KCNB2: variants seen among roughly 807,000 people sequenced by gnomAD.
The protein encoded by KCNB2 is potassium voltage-gated channel subfamily B member 2, also known as delayed rectifier potassium channel protein.
Under a neutral mutation model 61.5 loss-of-function variants are expected in KCNB2, and 15 were observed. The ratio of observed to expected loss-of-function variants is 0.24; its 90% CI spans 0.16 to 0.38. The LOEUF is 0.38. Ranked by LOEUF, KCNB2 falls within the 10% of genes least tolerant of loss-of-function variation. The pLI is 1.00. For synonymous variants in KCNB2, 457 were observed against 446.0 expected, an observed-to-expected ratio of 1.02 and a Z score of -0.31; for missense variants, 828 against 1,125.2, an observed-to-expected ratio of 0.74 and a Z score of 3.78.
chr8:72,572,946 G>T (rs78923837), intron 2 of KCNB2, among the ~76,000 whole-genome samples: 3 of 152,116 alleles, frequency 2.0e-5, no homozygotes, highest in African/African-American at 7.2e-5. Context: ...GCACCTGAAG[G>T]GCCAGGAGAC....
At chr8:72,637,600 C>T (rs886482118) in intron 2 of KCNB2, among the ~76,000 whole-genome samples, 4 of 152,078 alleles carry the variant, frequency 2.6e-5, no homozygotes, top group African/African-American at 7.2e-5. Context: ...TACGCCCCAC[C>T]GTCACTGTTA....
chr8:72,633,553 T>A (rs145073432), intron 2 of KCNB2, among the ~76,000 whole-genome samples: 467 of 152,260 alleles, frequency 3.1e-3, no homozygotes, highest in African/African-American at 0.011. Flanking sequence ...GGGTTCTGTG[T>A]TCCTAACCTG....
intron 2 of KCNB2, among the ~76,000 whole-genome samples, chr8:72,744,943 G>A (rs1808032629): frequency 6.6e-6 from 1 of 152,190 alleles, no homozygotes; most frequent in Admixed American, 6.5e-5. Context: ...GATCCTGTGT[G>A]TCTTGTCCTC....
chr8:72,598,956 A>G (rs1807244493), intron 2 of KCNB2, among the ~76,000 whole-genome samples: 1 of 152,222 alleles, frequency 6.6e-6, no homozygotes, highest in African/African-American at 2.4e-5. Context: ...GAGGATACAA[A>G]CAAATGGAAG....
intron 2 of KCNB2, among the ~76,000 whole-genome samples, chr8:72,889,263 A>T (rs1194839840): frequency 6.6e-6 from 1 of 152,216 alleles, no homozygotes; most frequent in Non-Finnish European, 1.5e-5. Flanking sequence ...AGACATACTT[A>T]CTGAGGCTAA....
At chr8:72,714,118 T>C (rs987961134) in intron 2 of KCNB2, among the ~76,000 whole-genome samples, 2 of 152,014 alleles carry the variant, frequency 1.3e-5, no homozygotes, top group African/African-American at 4.8e-5. Context: ...GAAAAAAGAA[T>C]GAAAAGGAAC....
At chr8:72,869,956 G>A (rs1009969362) in intron 2 of KCNB2, among the ~76,000 whole-genome samples, 1 of 152,152 alleles carries the variant, frequency 6.6e-6, no homozygotes, top group African/African-American at 2.4e-5. Context: ...TCCAGCAGCA[G>A]ATGAATGTAT....
At chr8:72,692,604 C>T (rs1806956334) in intron 2 of KCNB2, among the ~76,000 whole-genome samples, 1 of 152,044 alleles carries the variant, frequency 6.6e-6, no homozygotes, top group African/African-American at 2.4e-5. Context: ...TAGGCTTGTA[C>T]CCACCAAACT....
At chr8:72,855,032 C>G (rs1585934167) in intron 2 of KCNB2, among the ~76,000 whole-genome samples, 1 of 152,184 alleles carries the variant, frequency 6.6e-6, no homozygotes, top group Non-Finnish European at 1.5e-5. Context: ...CCCACCAACA[C>G]CTTTCAGCAC....
chr8:72,555,643 A>AT (rs71267907), intron 1 of KCNB2, among the ~76,000 whole-genome samples: 40 of 149,418 alleles, frequency 2.7e-4, no homozygotes, highest in African/African-American at 7.4e-4. Flanking sequence ...TTAAAGAAGA[A>AT]TTTTTTTTTT....
At chr8:72,756,280 T>A (rs1177227522) in intron 2 of KCNB2, among the ~76,000 whole-genome samples, 1 of 152,178 alleles carries the variant, frequency 6.6e-6, no homozygotes, top group Non-Finnish European at 1.5e-5. Context: ...ATCCCTCCCT[T>A]CCTGTCTCCC....
chr8:72,827,139 T>C (rs1171564669), intron 2 of KCNB2, among the ~76,000 whole-genome samples: 1 of 152,130 alleles, frequency 6.6e-6, no homozygotes, highest in East Asian at 1.9e-4. Flanking sequence ...CAGGGAGAGA[T>C]TGACCTTCAT....
chr8:72,762,674 G>A (rs1368979337), intron 2 of KCNB2, among the ~76,000 whole-genome samples: 1 of 152,020 alleles, frequency 6.6e-6, no homozygotes, highest in Admixed American at 6.6e-5. Flanking sequence ...AGGATTCAAT[G>A]AAATAATAAT....
At chr8:72,849,480 A>G (rs1056116528) in intron 2 of KCNB2, among the ~76,000 whole-genome samples, 2 of 152,166 alleles carry the variant, frequency 1.3e-5, no homozygotes, top group African/African-American at 4.8e-5. Flanking sequence ...AGACATTGGA[A>G]TGAGTTCTAC....
intron 2 of KCNB2, among the ~76,000 whole-genome samples, chr8:72,857,743 T>A (rs935796288): frequency 6.6e-6 from 1 of 152,210 alleles, no homozygotes; most frequent in African/African-American, 2.4e-5. Context: ...CCAATGATCA[T>A]GATGCAATAA....
At chr8:72,934,911 A>G (rs993509329) in intron 2 of KCNB2, among the ~76,000 whole-genome samples, 1 of 151,950 alleles carries the variant, frequency 6.6e-6, no homozygotes, top group Non-Finnish European at 1.5e-5. Context: ...TGGGCTATCT[A>G]TGTCCTATAT....
At chr8:72,577,349 AC>A (rs974109115) in intron 2 of KCNB2, among the ~76,000 whole-genome samples, 1 of 151,950 alleles carries the variant, frequency 6.6e-6, no homozygotes, top group Non-Finnish European at 1.5e-5. Context: ...GAGAGATGTT[AC>A]TTATATATAC....
intron 2 of KCNB2, among the ~76,000 whole-genome samples, chr8:72,571,731 G>A (rs1291842702): frequency 6.6e-6 from 1 of 152,056 alleles, no homozygotes; most frequent in Non-Finnish European, 1.5e-5. Flanking sequence ...GGGCATGACT[G>A]GAACAACTCC....
intron 2 of KCNB2, among the ~76,000 whole-genome samples, chr8:72,768,949 T>C (rs753810078): frequency 6.6e-6 from 1 of 151,972 alleles, no homozygotes; most frequent in Admixed American, 6.6e-5. Context: ...TCACCTGAGG[T>C]TGGGAGTTCA....
Sources: gnomAD v4.1 joint callset for allele counts (sites outside exome capture counted in the v4.1 genomes callset) on GRCh38, gnomAD v4.1.1 for gene constraint, MANE v1.5 for transcripts, NCBI Gene and HGNC (gene_info 2026-07-23, HGNC 2026-07-21) for gene names.